ADAMTSL1: variants seen among roughly 807,000 people sequenced by gnomAD.
ADAMTSL1 encodes ADAMTS like 1.
Under a neutral mutation model 201.8 loss-of-function variants are expected in ADAMTSL1, and 126 were observed. The ratio of observed to expected loss-of-function variants is 0.62; its 90% CI spans 0.54 to 0.72. The LOEUF is 0.72. ADAMTSL1 is among the 30% of genes least tolerant of loss of function. The probability of loss-of-function intolerance (pLI) is 0.00; values close to 1 mark genes in which losing one functional copy is unlikely to be tolerated. For missense variants in ADAMTSL1, 2,679 were observed against 2,277.8 expected, an observed-to-expected ratio of 1.18 and a Z score of -3.59; for synonymous variants, 1,121 against 903.4, an observed-to-expected ratio of 1.24 and a Z score of -4.32.
At chr9:18,655,223 T>C (rs10811007) in intron 7 of ADAMTSL1, among the ~76,000 whole-genome samples, 40,378 of 152,192 alleles carry the variant, frequency 0.27, 5,980 homozygotes, top group East Asian at 0.69. Context: ...TCCTTGAATT[T>C]TACATGGAAT....
At chr9:18,303,713 C>A (rs1001548032) in intron 2 of ADAMTSL1, among the ~76,000 whole-genome samples, 7 of 152,118 alleles carry the variant, frequency 4.6e-5, no homozygotes, top group Non-Finnish European at 1.0e-4. Context: ...CCTTGCTGAA[C>A]CCAAAGAGAA....
rs192886919 is a variant in ADAMTSL1, at chr9:17,967,238, C to T, written c.87+60316C>T. ...AATGTCTAAGAATTCCTGGTATATT[C>T]CATTTTAAGGCTCCTGCTACTTTCT... On this transcript the variant is annotated intron_variant, in intron 1 of 29. Coordinates refer to the ADAMTSL1 transcript ENST00000680146. Among the ~76,000 whole-genome samples, 22 of 152,186 alleles carry T rather than the reference C, an allele frequency of 1.4e-4. No individual in the cohort carries two copies. In the East Asian group the frequency reaches 4.1e-3, roughly 28 times the overall value.
At chr9:18,201,582 A>G (rs1001290867) in intron 2 of ADAMTSL1, among the ~76,000 whole-genome samples, 2 of 152,084 alleles carry the variant, frequency 1.3e-5, no homozygotes, top group African/African-American at 4.8e-5. Flanking sequence ...GGGTTAAAAA[A>G]CTTTTCATCT....
intron 1 of ADAMTSL1, among the ~76,000 whole-genome samples, chr9:18,493,272 T>C (rs1204598494): frequency 2.0e-5 from 3 of 152,248 alleles, no homozygotes; most frequent in Non-Finnish European, 4.4e-5. Context: ...TCTGCTCAAC[T>C]TTACATCTCT....
At chr9:18,489,227 T>C (rs1822146930) in intron 1 of ADAMTSL1, among the ~76,000 whole-genome samples, 1 of 152,230 alleles carries the variant, frequency 6.6e-6, no homozygotes, top group African/African-American at 2.4e-5. Context: ...ATATCTCTTA[T>C]ATTTGAAGAT....
At chr9:18,063,917 CT>C (rs910824099) in intron 1 of ADAMTSL1, among the ~76,000 whole-genome samples, 2 of 152,132 alleles carry the variant, frequency 1.3e-5, no homozygotes, top group African/African-American at 4.8e-5. Flanking sequence ...CCAGAGCCAG[CT>C]TCCAATTTCC....
intron 14 of ADAMTSL1, among the ~76,000 whole-genome samples, chr9:18,711,198 G>T (rs1564171061): frequency 6.6e-6 from 1 of 152,190 alleles, no homozygotes; most frequent in African/African-American, 2.4e-5. Flanking sequence ...TGTTCCTTAT[G>T]TAAACAGAAA....
intron 2 of ADAMTSL1, among the ~76,000 whole-genome samples, chr9:18,420,247 T>C (rs1282668821): frequency 1.3e-5 from 2 of 152,194 alleles, no homozygotes; most frequent in East Asian, 1.9e-4. Flanking sequence ...ATGGCATTTA[T>C]AGGATGAACT....
chr9:18,414,445 G>A (rs760753700), intron 2 of ADAMTSL1, among the ~76,000 whole-genome samples: 1 of 152,060 alleles, frequency 6.6e-6, no homozygotes, highest in Non-Finnish European at 1.5e-5. Context: ...TTCTGGACAA[G>A]ATGGAGTAAC....
intron 1 of ADAMTSL1, among the ~76,000 whole-genome samples, chr9:17,914,955 T>C (rs547777001): frequency 6.6e-6 from 1 of 152,316 alleles, no homozygotes; most frequent in Admixed American, 6.5e-5. Flanking sequence ...TCCTGTATGT[T>C]CTTGCTGTTG....
intron 27 of ADAMTSL1, 77 bp from the exon 28 acceptor site, chr9:18,906,615 T>C: frequency 8.2e-7 from 1 of 1,215,248 alleles, no homozygotes; most frequent in Non-Finnish European, 1.1e-6. Flanking sequence ...TTTCTGAGTT[T>C]GCAGCACTAT....
chr9:18,055,190 C>G lies in ADAMTSL1; in HGVS notation c.88-108672C>G, dbSNP rs867836661. On this transcript the variant is annotated intron_variant, in intron 1 of 29. Transcript: ENST00000680146. ...GATACTAAAGTCTGTAGTAACAGTG[C>G]TCTTTTTTAGCACCTATTCATAGTC... Among the ~76,000 whole-genome samples the G allele has an allele frequency of 2.0e-5, 3 of 152,304 alleles. No homozygotes were observed. The Middle Eastern group carries it at 0.01, about 518-fold the overall frequency.
chr9:18,856,460 ATTTTTTTT>A (rs398010404), intron 23 of ADAMTSL1, among the ~76,000 whole-genome samples: 1 of 112,014 alleles, frequency 8.9e-6, no homozygotes, highest in Admixed American at 1.1e-4. Context: ...GATAAGAAGG[ATTTTTTTT>A]TTTTTTTTTT....
chr9:17,913,775 C>T (rs748902059), intron 1 of ADAMTSL1, among the ~76,000 whole-genome samples: 6 of 150,272 alleles, frequency 4.0e-5, no homozygotes, highest in Admixed American at 3.3e-4. Flanking sequence ...AGACCGCTAG[C>T]GAGACTAATA....
chr9:18,142,165 C>G (rs941713087), intron 1 of ADAMTSL1, among the ~76,000 whole-genome samples: 24 of 152,180 alleles, frequency 1.6e-4, no homozygotes, highest in Admixed American at 4.6e-4. Context: ...TTTCTCCTGC[C>G]TGCGGTATCT....
intron 15 of ADAMTSL1, among the ~76,000 whole-genome samples, chr9:18,728,904 G>A (rs548719019): frequency 7.2e-5 from 11 of 152,334 alleles, no homozygotes; most frequent in African/African-American, 1.2e-4. Context: ...GTGTGGAACC[G>A]TCAGATTTGC....
At chr9:18,023,278 G>A (rs1388094986) in intron 1 of ADAMTSL1, among the ~76,000 whole-genome samples, 3 of 152,222 alleles carry the variant, frequency 2.0e-5, no homozygotes, top group South Asian at 4.1e-4. Context: ...ATCAGCTTTA[G>A]TAGGTCTGGG....
chr9:18,525,946 G>T (rs1819013835), intron 2 of ADAMTSL1, among the ~76,000 whole-genome samples: 1 of 152,214 alleles, frequency 6.6e-6, no homozygotes, highest in Non-Finnish European at 1.5e-5. Flanking sequence ...GAGTTTTGTA[G>T]ATGTCTATTA....
chr9:18,149,793 A>G (rs1395153573), intron 1 of ADAMTSL1, among the ~76,000 whole-genome samples: 1 of 152,096 alleles, frequency 6.6e-6, no homozygotes, highest in Non-Finnish European at 1.5e-5. Flanking sequence ...GAAGAATGCT[A>G]TAGTTGTCCA....
Sources: allele counts gnomAD v4.1 joint callset (sites outside exome capture counted in the v4.1 genomes callset), GRCh38; gene constraint gnomAD v4.1.1; transcripts MANE v1.5; gene names NCBI Gene and HGNC (gene_info 2026-07-23, HGNC 2026-07-21).